The following MS4A4A variants were observed in gnomAD, a reference collection of about 807,000 sequenced individuals.
MS4A4A encodes the protein membrane-spanning 4-domains subfamily A member 4A.
A neutral mutation model predicts 28.0 loss-of-function variants in MS4A4A; 26 were observed. The ratio of observed to expected loss-of-function variants is 0.93; its 90% CI spans 0.68 to 1.29. The LOEUF (loss-of-function observed/expected upper bound fraction) is 1.29, where lower values mean the gene tolerates loss of function less well. MS4A4A is among the 50% of genes most tolerant of loss of function. The probability of loss-of-function intolerance (pLI) is 0.00; values close to 1 mark genes in which losing one functional copy is unlikely to be tolerated. For synonymous variants in MS4A4A, 86 were observed against 100.8 expected (o/e 0.85, Z 0.88); for missense variants, 290 against 293.1 (o/e 0.99, Z 0.08).
chr11:60,297,354 A>G lies in MS4A4A; in HGVS notation c.330+29A>G, dbSNP rs984179892. 5 of 1,609,686 alleles carry G rather than the reference A, an allele frequency of 3.1e-6. No homozygotes were observed. The African/African-American group carries it at 5.3e-5, about 17-fold the overall frequency. ...AGTAGAGTATCTTTTGATATAATTG[A>G]AGATAACATAAAGCAGTTGTCAATA... On this transcript the variant is annotated intron_variant, in intron 3 of 6. Coordinates refer to ENST00000337908, the MANE Select transcript of MS4A4A (RefSeq NM_148975.3).
intron 4 of MS4A4A, 67 bp downstream of exon 4, chr11:60,301,124 G>A: frequency 8.1e-7 from 1 of 1,234,460 alleles, no homozygotes; most frequent in Middle Eastern, 2.4e-4. Context: ...ATTCTGCCAG[G>A]GTGTAAAACA....
intron 5 of MS4A4A, among the ~76,000 whole-genome samples, chr11:60,303,565 A>G (rs559035885): frequency 1.3e-5 from 2 of 152,164 alleles, no homozygotes; most frequent in South Asian, 4.2e-4. Flanking sequence ...AAAATTAGCC[A>G]GGCATGATGG....
Position 60,302,566 on chromosome 11 carries a change from G to A in MS4A4A, c.395G>A (p.Gly132Asp), listed in dbSNP as rs994366716. The A allele has an allele frequency of 6.2e-7, 1 of 1,613,812 alleles. No individual in the cohort carries two copies. Among genetic ancestry groups the A allele is most frequent in the Admixed American group, 1.7e-5 (1 of 59,962 alleles). ...ATTTTCATTCCTTTCTAGGTCCGAG[G>A]TAGTCTAGGAATGAATATCACCAGC... ...GIRTTKGLVRGSLGMNITSSV... is the reference protein window; with the variant it reads ...GIRTTKGLVRDSLGMNITSSV... The change falls in exon 5 of 7, where the codon GGT becomes GAT. Residue 132 changes from glycine (G) to aspartate (D), a missense_variant. Gly to Asp is a moderately conservative substitution (Grantham distance 94). Transcript: ENST00000337908.
chr11:60,293,878 C>T (rs908425518), intron 2 of MS4A4A, among the ~76,000 whole-genome samples: 2 of 152,196 alleles, frequency 1.3e-5, no homozygotes, highest in South Asian at 4.1e-4. Flanking sequence ...TACTGAAGGA[C>T]ATCTTGATGG....
intron 5 of MS4A4A, among the ~76,000 whole-genome samples, chr11:60,304,291 T>C (rs2084978534): frequency 2.6e-5 from 4 of 152,222 alleles, no homozygotes. Context: ...TTCGTGGGCA[T>C]GGGACCTGTG....
chr11:60,307,704 C>T (rs140944680), intron 6 of MS4A4A, among the ~76,000 whole-genome samples: 26 of 152,184 alleles, frequency 1.7e-4, no homozygotes, highest in Admixed American at 4.6e-4. Context: ...GATGTGTGGG[C>T]CAGTGTGGTT....
chr11:60,296,076 G>T (rs1199383619), intron 2 of MS4A4A, among the ~76,000 whole-genome samples: 2 of 151,856 alleles, frequency 1.3e-5, no homozygotes, highest in African/African-American at 4.8e-5. Context: ...TTAAGTGTCT[G>T]GTAGAATTCA....
At chr11:60,306,718 T>A (rs1173577494) in intron 6 of MS4A4A, among the ~76,000 whole-genome samples, 2 of 152,224 alleles carry the variant, frequency 1.3e-5, no homozygotes, top group African/African-American at 2.4e-5. Context: ...GCACAGTAGC[T>A]ACATAAAAGC....
In MS4A4A at chr11:60,297,263, A is replaced by G. The variant is rs1313190576; in HGVS notation, c.268A>G (p.Asn90Asp). ...MGITMMCMAS[N>D]TYGSNPISVY... is the part of the protein sequence containing the mutation. ...AATAACAATGATGTGTATGGCATCT[A>G]ATACTTATGGAAGTAACCCTATTTC... Residue 90 changes from asparagine to aspartate, a missense_variant, in exon 3 of 7, where the codon AAT becomes GAT. Physicochemically the swap from Asn to Asp is conservative, Grantham distance 23 (BLOSUM62 1). Coordinates refer to ENST00000337908, the MANE Select transcript of MS4A4A (RefSeq NM_148975.3). 27 of 1,613,674 alleles carry G rather than the reference A, an allele frequency of 1.7e-5. No homozygotes were observed. Among genetic ancestry groups the G allele is most frequent in the Non-Finnish European group, 2.3e-5 (27 of 1,179,638 alleles).
At chr11:60,290,242 A>C (rs4939331) in intron 1 of MS4A4A, 1 of 261,948 alleles carries the variant, frequency 3.8e-6, no homozygotes, top group Non-Finnish European at 8.1e-6. Context: ...GATTATAAAC[A>C]GTAATTTATG....
At chr11:60,298,021 A>C (rs1465973768) in intron 3 of MS4A4A, among the ~76,000 whole-genome samples, 1 of 150,974 alleles carries the variant, frequency 6.6e-6, no homozygotes, top group African/African-American at 2.4e-5. Flanking sequence ...TAAATTCAAT[A>C]AAATAACTAA....
intron 1 of MS4A4A, chr11:60,290,264 A>T (rs897138041): frequency 9.7e-6 from 2 of 207,044 alleles, no homozygotes; most frequent in Admixed American, 5.2e-5. Flanking sequence ...TGTACACCTC[A>T]GGGGGGGCCT....
chr11:60,297,344 G>A lies in MS4A4A; in HGVS notation c.330+19G>A, dbSNP rs201580841. On this transcript the variant is annotated intron_variant, in intron 3 of 6. Transcript: ENST00000337908. ...AGTAATGGTGAGTAGAGTATCTTTT[G>A]ATATAATTGAAGATAACATAAAGCA... The A allele has an allele frequency of 5.6e-6, 9 of 1,611,064 alleles. No homozygotes were observed. Among genetic ancestry groups the A allele is most frequent in the African/African-American group, 1.3e-5 (1 of 74,794 alleles).
intron 2 of MS4A4A, among the ~76,000 whole-genome samples, chr11:60,292,771 C>G (rs1007217502): frequency 6.6e-6 from 1 of 152,120 alleles, no homozygotes; most frequent in Admixed American, 6.5e-5. Context: ...TTCTTAGCCC[C>G]CTGCTCAGAG....
chr11:60,296,872 C>A, intron 2 of MS4A4A: 1 of 288,350 alleles, frequency 3.5e-6, no homozygotes, highest in South Asian at 3.5e-5. Flanking sequence ...AATTCCTAGG[C>A]CACTTCTCTG....
chr11:60,292,935 G>T (rs2084870574), intron 2 of MS4A4A, among the ~76,000 whole-genome samples: 1 of 152,186 alleles, frequency 6.6e-6, no homozygotes, highest in South Asian at 2.1e-4. Flanking sequence ...ACGGGAAAAT[G>T]TCACTGTGGA....
chr11:60,297,445 A>T (rs534202597), intron 3 of MS4A4A, 120 bp downstream of exon 3: 1 of 1,085,498 alleles, frequency 9.2e-7, no homozygotes, highest in African/African-American at 1.6e-5. Context: ...GTGGTATCTA[A>T]CCATTTCTTA....
At chr11:60,282,223 C>G (rs1442022841) in intron 1 of MS4A4A, among the ~76,000 whole-genome samples, 1 of 152,142 alleles carries the variant, frequency 6.6e-6, no homozygotes, top group African/African-American at 2.4e-5. Flanking sequence ...CAGAGAGGCA[C>G]TAAACACAGA....
At chr11:60,300,008 C>T (rs899645749) in intron 3 of MS4A4A, among the ~76,000 whole-genome samples, 12 of 152,000 alleles carry the variant, frequency 7.9e-5, no homozygotes, top group Admixed American at 5.9e-4. Flanking sequence ...TGGTTTTATT[C>T]CAGTGGTGAT....
Sources: gnomAD v4.1 joint callset for allele counts (sites outside exome capture counted in the v4.1 genomes callset) on GRCh38, gnomAD v4.1.1 for gene constraint, MANE v1.5 for transcripts, NCBI Gene and HGNC (gene_info 2026-07-23, HGNC 2026-07-21) for gene names.